CADM2: variants seen among roughly 807,000 people sequenced by gnomAD.
CADM2 encodes the protein immunoglobulin superfamily member 4D.
Under a neutral mutation model 49.8 loss-of-function variants are expected in CADM2, and 12 were observed. The observed-to-expected ratio is 0.24, with a 90% CI of 0.15 to 0.39. The LOEUF is 0.39. CADM2 is among the 10% of genes least tolerant of loss of function. The pLI is 1.00. For synonymous variants in CADM2, 214 were observed against 175.4 expected (o/e 1.22, Z -1.74); for missense variants, 378 against 492.3 (o/e 0.77, Z 2.20).
intron 2 of CADM2, among the ~76,000 whole-genome samples, chr3:85,755,272 A>G (rs1411432137): frequency 6.6e-6 from 1 of 152,182 alleles, no homozygotes; most frequent in Admixed American, 6.6e-5. Context: ...AATGTGTTAG[A>G]ACAATTTACA....
intron 1 of CADM2, among the ~76,000 whole-genome samples, chr3:85,097,727 C>T (rs543907169): frequency 2.0e-5 from 3 of 152,190 alleles, no homozygotes; most frequent in Admixed American, 6.5e-5. Flanking sequence ...CACTCACACT[C>T]GTGATCTCTT....
intron 1 of CADM2, among the ~76,000 whole-genome samples, chr3:85,536,462 T>C (rs1178518623): frequency 2.4e-5 from 1 of 42,186 alleles, no homozygotes; most frequent in Admixed American, 3.8e-4. Flanking sequence ...TATAGTATTG[T>C]TTTTTTCTTT....
At chr3:85,288,818 T>A (rs1304601780) in intron 1 of CADM2, among the ~76,000 whole-genome samples, 1 of 136,638 alleles carries the variant, frequency 7.3e-6, no homozygotes, top group Non-Finnish European at 1.6e-5. Flanking sequence ...TCATGGCTAA[T>A]TTCTCAGAGA....
chr3:85,061,654 A>G (rs2036320633), intron 1 of CADM2, among the ~76,000 whole-genome samples: 1 of 152,028 alleles, frequency 6.6e-6, no homozygotes. Context: ...AGAGGGCTTT[A>G]TTTACTCCTT....
intron 1 of CADM2, among the ~76,000 whole-genome samples, chr3:85,575,475 C>G (rs1404844249): frequency 6.6e-6 from 1 of 152,168 alleles, no homozygotes; most frequent in Non-Finnish European, 1.5e-5. Context: ...GGCGTGAACC[C>G]TGGAGGCGAA....
intron 1 of CADM2, among the ~76,000 whole-genome samples, chr3:85,510,090 A>T (rs1380995863): frequency 2.6e-5 from 4 of 152,008 alleles, no homozygotes. Flanking sequence ...GAAAAGAAAT[A>T]CTTATAAGCA....
At chr3:86,039,598 G>A (rs1735595841) in intron 8 of CADM2, among the ~76,000 whole-genome samples, 1 of 152,172 alleles carries the variant, frequency 6.6e-6, no homozygotes, top group Non-Finnish European at 1.5e-5. Context: ...GCTCGAATTG[G>A]GTGGAGCCCA....
At chr3:85,911,929 T>A (rs537374919) in intron 5 of CADM2, among the ~76,000 whole-genome samples, 8 of 150,728 alleles carry the variant, frequency 5.3e-5, no homozygotes, top group Non-Finnish European at 8.9e-5. Context: ...TAATTTTTTT[T>A]ATTATTTATT....
At chr3:85,134,045 G>A (rs928806992) in intron 1 of CADM2, among the ~76,000 whole-genome samples, 5 of 152,358 alleles carry the variant, frequency 3.3e-5, no homozygotes, top group East Asian at 3.9e-4. Context: ...ATCGAGCGCA[G>A]CGCCGGTGGG....
chr3:85,840,036 C>T (rs1434122922), intron 3 of CADM2, among the ~76,000 whole-genome samples: 1 of 151,438 alleles, frequency 6.6e-6, no homozygotes, highest in Non-Finnish European at 1.5e-5. Context: ...ATATAATTTA[C>T]CAGTTCACTC....
intron 6 of CADM2, among the ~76,000 whole-genome samples, chr3:85,930,314 C>T (rs899174354): frequency 1.3e-5 from 2 of 151,734 alleles, no homozygotes; most frequent in Non-Finnish European, 2.9e-5. Flanking sequence ...TTTTTTAAAA[C>T]TTTCTATGGG....
At chr3:85,927,426 C>A (rs1387731188) in intron 6 of CADM2, among the ~76,000 whole-genome samples, 1 of 152,048 alleles carries the variant, frequency 6.6e-6, no homozygotes, top group East Asian at 1.9e-4. Flanking sequence ...ATGAATGTCA[C>A]AATGTAAAAT....
chr3:84,979,815 TA>T (rs1289581028), intron 1 of CADM2, among the ~76,000 whole-genome samples: 1 of 152,106 alleles, frequency 6.6e-6, no homozygotes, highest in Non-Finnish European at 1.5e-5. Flanking sequence ...TTTTGATGTC[TA>T]AAAGGATAGA....
chr3:85,999,996 TA>T (rs979423349), intron 8 of CADM2, among the ~76,000 whole-genome samples: 17 of 152,250 alleles, frequency 1.1e-4, no homozygotes, highest in Non-Finnish European at 2.2e-4. Flanking sequence ...ATATATTGTT[TA>T]AAAAAGAGAA....
At chr3:85,838,396 C>T (rs765665494) in intron 3 of CADM2, among the ~76,000 whole-genome samples, 27 of 151,744 alleles carry the variant, frequency 1.8e-4, no homozygotes, top group Non-Finnish European at 4.0e-4. Flanking sequence ...AGCTTGAAGC[C>T]GAGATTGGAG....
intron 1 of CADM2, among the ~76,000 whole-genome samples, chr3:85,339,777 C>T (rs2045191725): frequency 6.6e-6 from 1 of 151,226 alleles, no homozygotes; most frequent in African/African-American, 2.4e-5. Context: ...TCCCATTTTT[C>T]TAAAGCAGAA....
At chr3:85,462,614 A>G (rs932073278) in intron 1 of CADM2, among the ~76,000 whole-genome samples, 4 of 152,172 alleles carry the variant, frequency 2.6e-5, no homozygotes, top group Non-Finnish European at 5.9e-5. Context: ...CTCCAAAGAC[A>G]CAAAAACACT....
At chr3:84,984,031 T>TGA in intron 1 of CADM2, among the ~76,000 whole-genome samples, 1 of 108,848 alleles carries the variant, frequency 9.2e-6, no homozygotes, top group Non-Finnish European at 1.7e-5. Flanking sequence ...TTCTTCATTG[T>TGA]GATATATATA....
Position 85,464,953 on chromosome 3 carries a change from T to A in CADM2, c.62-261569T>A, listed in dbSNP as rs567239103. On this transcript the variant is annotated intron_variant, in intron 1 of 9. Transcript: ENST00000383699. ...TCACAAGGTCAGCAGATCAAGACCA[T>A]CCTGGCTAACACTGTGAAACCCCGT... Among the ~76,000 whole-genome samples the A allele has an allele frequency of 2.0e-5, 3 of 151,986 alleles. No individual in the cohort carries two copies. The South Asian group carries it at 6.2e-4, about 32-fold the overall frequency.
Sources: allele counts gnomAD v4.1 joint callset (sites outside exome capture counted in the v4.1 genomes callset), GRCh38; gene constraint gnomAD v4.1.1; transcripts MANE v1.5; gene names NCBI Gene and HGNC (gene_info 2026-07-23, HGNC 2026-07-21).